Variants in HHIP observed in about 807,000 individuals in gnomAD.
HHIP encodes the protein hedgehog interacting protein, also known as hedgehog-interacting protein.
A neutral mutation model predicts 74.0 loss-of-function variants in HHIP; 12 were observed. The observed-to-expected ratio is 0.16, with a 90% confidence interval of 0.10 to 0.26. The LOEUF (loss-of-function observed/expected upper bound fraction) is 0.26, where lower values mean the gene tolerates loss of function less well. Among genes scored for constraint, HHIP ranks in the 10% least tolerant of loss-of-function variants. HHIP has a pLI of 1.00. For missense variants in HHIP, 788 were observed against 845.0 expected (o/e 0.93, Z 0.84); for synonymous variants, 309 against 311.6 (o/e 0.99, Z 0.09).
intron 11 of HHIP, among the ~76,000 whole-genome samples, chr4:144,727,671 G>C (rs951674394): frequency 6.6e-6 from 1 of 151,922 alleles, no homozygotes. Flanking sequence ...TTTCTCCTAG[G>C]TTTTCCCTGT....
At chr4:144,719,456 C>A (rs556984657) in intron 11 of HHIP, among the ~76,000 whole-genome samples, 11 of 152,234 alleles carry the variant, frequency 7.2e-5, no homozygotes, top group African/African-American at 1.4e-4. Flanking sequence ...GGTGACTAGA[C>A]AAATAAAAAC....
Position 144,744,580 on chromosome 4 carries a change from T to C in HHIP, c.*6623T>C, listed in dbSNP as rs1324747835. ...AGATTTCTATAAATGTCTGAAAAGT[T>C]ACATGCATAGTCATTGGCTCAGGTA... On this transcript the variant is annotated 3_prime_UTR_variant, in exon 13 of 13. Transcript: ENST00000296575. The C allele has an allele frequency of 6.6e-6, 1 of 152,238 alleles. No homozygotes were observed. The highest frequency in any genetic ancestry group is 1.9e-4 in the East Asian group (1 of 5,206). The allele number at this position is 152,238 out of a possible 1,614,324, so 9.4% of individuals were successfully genotyped here.
intron 2 of HHIP, among the ~76,000 whole-genome samples, chr4:144,655,551 T>C (rs764771936): frequency 1.3e-5 from 2 of 152,144 alleles, no homozygotes; most frequent in Non-Finnish European, 2.9e-5. Flanking sequence ...ATCCTATTGC[T>C]AAGAAGGCCA....
intron 11 of HHIP, among the ~76,000 whole-genome samples, chr4:144,721,628 T>A (rs1396651559): frequency 2.0e-5 from 3 of 146,466 alleles, no homozygotes; most frequent in African/African-American, 5.0e-5. Flanking sequence ...AGGCCGGGCG[T>A]GGTGGCTCAC....
intron 4 of HHIP, 143 bp from the exon 5 acceptor site, chr4:144,706,388 G>T: frequency 4.8e-6 from 3 of 619,108 alleles, no homozygotes; most frequent in Non-Finnish European, 8.3e-6. Context: ...ATCCTTTTTT[G>T]TGCAGTAGGC....
chr4:144,724,740 T>C (rs1730751268), intron 11 of HHIP, among the ~76,000 whole-genome samples: 1 of 148,304 alleles, frequency 6.7e-6, no homozygotes, highest in African/African-American at 2.5e-5. Flanking sequence ...ATATATCCCA[T>C]TTCCTGGAAA....
chr4:144,726,037 T>C (rs946447214), intron 11 of HHIP, among the ~76,000 whole-genome samples: 8 of 152,160 alleles, frequency 5.3e-5, no homozygotes, highest in Admixed American at 6.5e-5. Context: ...TAAAAATAGA[T>C]AAAATCAGAA....
rs1560729164 is a variant in HHIP at position 144,742,984 on chromosome 4, C to CATTATATATATATAATATATATAT, written c.*5050_*5073dup. The CATTATATATATATAATATATATAT allele has an allele frequency of 2.1e-3, 3 of 1,420 alleles. No homozygotes were observed. The highest frequency in any genetic ancestry group is 4.1e-3 in the African/African-American group (3 of 732). 0.1% of individuals were successfully genotyped at this position (1,420 alleles called of 1,614,324 possible). A position where few individuals can be genotyped will look rare whatever the true frequency, so the allele number is the denominator to read the frequency against. On this transcript the variant is annotated 3_prime_UTR_variant, in exon 13 of 13. Transcript: ENST00000296575. ...TATAAGATATATGTATATATATATACATTATATATATATAATATATATATA... is the reference window on the plus strand; with the variant it reads ...TATAAGATATATGTATATATATATACATTATATATATATAATATATATATATTATATATATATAATATATATATA...
chr4:144,715,416 GAGA>G lies in HHIP; in HGVS notation c.1668_1670del (p.Glu556del), dbSNP rs1730421779. ...TTTTCCGGTCACATCTTGGGATTTG[GAGA>G]AGATGAACTAGGTACTGTACAATCT... On this transcript the variant is annotated inframe_deletion, in exon 10 of 13. Transcript: ENST00000296575. The G allele has an allele frequency of 1.2e-6, 2 of 1,613,308 alleles. No homozygotes were observed. Among genetic ancestry groups the G allele is most frequent in the Non-Finnish European group, 1.7e-6 (2 of 1,179,450 alleles).
chr4:144,686,427 T>C (rs1729489023), intron 4 of HHIP, among the ~76,000 whole-genome samples: 1 of 152,170 alleles, frequency 6.6e-6, no homozygotes, highest in African/African-American at 2.4e-5. Context: ...ATACAGTAGT[T>C]AGTTATCGAT....
chr4:144,668,019 T>C (rs1221263300), intron 4 of HHIP, among the ~76,000 whole-genome samples: 1 of 152,064 alleles, frequency 6.6e-6, no homozygotes, highest in Non-Finnish European at 1.5e-5. Flanking sequence ...ATTATTATTA[T>C]TTTGAAAAGC....
chr4:144,658,832 C>T lies in HHIP; in HGVS notation c.515C>T (p.Ala172Val). 2.5e-6 allele frequency: 4 copies of T among 1,613,398 alleles called. No homozygotes were observed. The highest frequency in any genetic ancestry group is 3.4e-6 in the Non-Finnish European group (4 of 1,179,610). ...GCGGATGAGTTTTGCTTTTACTATG[C>T]AAGAAAAGATGGTGGGTTGTGCTTT... ...TTADEFCFYY[A>V]RKDGGLCFPD... Residue 172 changes from alanine (A) to valine (V), a missense_variant, in exon 3 of 13, where the codon GCA (alanine) becomes GTA (valine). Ala to Val is a moderately conservative substitution (Grantham distance 64). Transcript: ENST00000296575.
At chr4:144,648,920 A>G (rs1728344655) in intron 1 of HHIP, among the ~76,000 whole-genome samples, 1 of 152,056 alleles carries the variant, frequency 6.6e-6, no homozygotes, top group Admixed American at 6.5e-5. Flanking sequence ...ACAAACCCCT[A>G]CTCATTTGGA....
intron 4 of HHIP, among the ~76,000 whole-genome samples, chr4:144,695,489 T>C (rs1729788212): frequency 6.6e-6 from 1 of 151,836 alleles, no homozygotes; most frequent in Admixed American, 6.6e-5. Context: ...AATACACATT[T>C]TTCTATCATA....
chr4:144,701,689 G>A (rs1321788492), intron 4 of HHIP, among the ~76,000 whole-genome samples: 2 of 152,032 alleles, frequency 1.3e-5, no homozygotes, highest in Non-Finnish European at 2.9e-5. Flanking sequence ...AGAAATAGTT[G>A]GCAGTAACAA....
At chr4:144,715,964 A>G (rs950902777) in intron 10 of HHIP, among the ~76,000 whole-genome samples, 1 of 152,202 alleles carries the variant, frequency 6.6e-6, no homozygotes, top group Non-Finnish European at 1.5e-5. Context: ...CTCATGGGAC[A>G]ATCTATGGTA....
intron 7 of HHIP, among the ~76,000 whole-genome samples, chr4:144,711,285 T>C (rs1021008196): frequency 1.3e-5 from 2 of 152,230 alleles, no homozygotes; most frequent in Non-Finnish European, 1.5e-5. Flanking sequence ...TAGTACTGTT[T>C]TGTGTGGCAC....
chr4:144,737,650 C>T, intron 12 of HHIP, 114 bp from the exon 13 acceptor site: 1 of 847,248 alleles, frequency 1.2e-6, no homozygotes, highest in South Asian at 2.7e-5. Context: ...TAACTATCTC[C>T]CTCCTTTTTT....
intron 4 of HHIP, among the ~76,000 whole-genome samples, chr4:144,693,199 C>T (rs560098097): frequency 2.0e-5 from 3 of 152,066 alleles, no homozygotes; most frequent in Admixed American, 1.3e-4. Flanking sequence ...CATAGTGATT[C>T]TGGGAATTGG....
Sources: allele counts gnomAD v4.1 joint callset (sites outside exome capture counted in the v4.1 genomes callset), GRCh38; gene constraint gnomAD v4.1.1; transcripts MANE v1.5; gene names NCBI Gene and HGNC (gene_info 2026-07-23, HGNC 2026-07-21).